Variants in MIAT observed in about 807,000 individuals in gnomAD.
The protein encoded by MIAT is MI related novel mRNA.
Position 26,659,719 on chromosome 22 carries a change from G to A in MIAT, n.647-3597G>A, listed in dbSNP as rs576496238. Reference sequence around the variant, plus strand: ...AATGAGAATTTTTATAATTTTTTCCGATTTTAAAAGACAAATTCAATAAGT... The same window carrying A: ...AATGAGAATTTTTATAATTTTTTCCAATTTTAAAAGACAAATTCAATAAGT... On this transcript the variant is annotated intron_variant and non_coding_transcript_variant, in intron 2 of 5. Transcript: ENST00000643270. Among the ~76,000 whole-genome samples the A allele has an allele frequency of 6.7e-5, 10 of 148,284 alleles. No homozygotes were observed. In the East Asian group the frequency reaches 1.4e-3, roughly 21 times the overall value.
chr22:26,669,166 C>T (rs1930958038), exon 6 of MIAT: 1 of 398,732 alleles, frequency 2.5e-6, no homozygotes, highest in Non-Finnish European at 4.4e-6. Context: ...ACAGTCCCAG[C>T]GTTTGCAAGA....
At chr22:26,658,465 CT>C (rs1308737433) in intron 2 of MIAT, 1 of 152,244 alleles carries the variant, frequency 6.6e-6, no homozygotes, top group East Asian at 1.9e-4. Context: ...CATGTTGCAT[CT>C]CCTAAAGGGT....
At chr22:26,653,147 C>G (rs1487723471) in intron 2 of MIAT, among the ~76,000 whole-genome samples, 2 of 152,216 alleles carry the variant, frequency 1.3e-5, no homozygotes, top group African/African-American at 4.8e-5. Context: ...CACAAAGGCA[C>G]TCAACAGATG....
At chr22:26,673,780 G>T, downstream of MIAT, 1 of 398,634 alleles carries the variant, frequency 2.5e-6, no homozygotes, top group Non-Finnish European at 4.4e-6. Flanking sequence ...CGGTAAAGAT[G>T]GTAGTTTTCT....
intron 2 of MIAT, among the ~76,000 whole-genome samples, chr22:26,648,714 C>T (rs548569178): frequency 1.9e-4 from 29 of 152,282 alleles, no homozygotes; most frequent in Middle Eastern, 6.8e-3. Context: ...ATAGTCAAAG[C>T]AACAGCATCT....
chr22:26,673,430 A>C (rs1250863111), downstream of MIAT: 7 of 398,506 alleles, frequency 1.8e-5, no homozygotes, highest in Non-Finnish European at 2.7e-5. Flanking sequence ...CTAACAACCA[A>C]CCTGGCCCTG....
rs61442362 is a variant in MIAT at position 26,667,333 on chromosome 22, A to AGTGTGTGTGT, written n.2262+35_2262+44dup. On this transcript the variant is annotated intron_variant and non_coding_transcript_variant, in intron 5 of 5. Coordinates refer to ENST00000643270, the Ensembl canonical transcript of MIAT. Reference sequence around the variant, plus strand: ...GGGGTGAGCTCCTCGTCCTGGGAGCAGTGTGTGTGTGTGTGTGTGTGCGTG... The same window carrying AGTGTGTGTGT: ...GGGGTGAGCTCCTCGTCCTGGGAGCAGTGTGTGTGTGTGTGTGTGTGTGTGTGTGTGCGTG... The AGTGTGTGTGT allele has an allele frequency of 4.2e-3, 1,635 of 390,826 alleles. 6 individuals carry two copies. The highest frequency in any genetic ancestry group is 0.013 in the East Asian group (346 of 27,238). 24.2% of individuals were successfully genotyped at this position (390,826 alleles called of 1,614,324 possible).
Position 26,653,289 on chromosome 22 carries a change from A to G in MIAT, n.646+5978A>G, listed in dbSNP as rs182811126. Among the ~76,000 whole-genome samples, 65 of 152,296 alleles carry G rather than the reference A, an allele frequency of 4.3e-4. No homozygotes were observed. In the East Asian group the frequency reaches 0.012, roughly 27 times the overall value. Reference sequence around the variant, plus strand: ...ACACAGGTATTGGCATCTGCTGAACATGAGGGTCCACTCCTTCCTTGCGTT... The same window carrying G: ...ACACAGGTATTGGCATCTGCTGAACGTGAGGGTCCACTCCTTCCTTGCGTT... On this transcript the variant is annotated intron_variant and non_coding_transcript_variant, in intron 2 of 5. Coordinates refer to ENST00000643270, the Ensembl canonical transcript of MIAT.
intron 2 of MIAT, among the ~76,000 whole-genome samples, chr22:26,652,360 A>C (rs1190503280): frequency 4.7e-5 from 7 of 149,896 alleles, no homozygotes; most frequent in African/African-American, 1.5e-4. Flanking sequence ...TTATTCATTC[A>C]TTTATTTTTT....
At chr22:26,666,692 A>T (rs1930854757) in exon 4 of MIAT, 1 of 398,406 alleles carries the variant, frequency 2.5e-6, no homozygotes, top group Non-Finnish European at 4.4e-6. Flanking sequence ...CCTTTTAAGG[A>T]TGTTCTGGGG....
Position 26,665,640 on chromosome 22 carries a change from A to C in MIAT, n.839A>C, listed in dbSNP as rs1173567755. 6 of 398,570 alleles carry C rather than the reference A, an allele frequency of 1.5e-5. No homozygotes were observed. The Admixed American group carries it at 2.6e-4, about 18-fold the overall frequency. 24.7% of individuals were successfully genotyped at this position (398,570 alleles called of 1,614,324 possible). ...TTGCAGATAAGTATTTAAACTTACC[A>C]GCCCATAGCCTACCAGCCTGCCCTC... On this transcript the variant is annotated non_coding_transcript_exon_variant, in exon 4 of 6. Coordinates refer to ENST00000643270, the Ensembl canonical transcript of MIAT.
At chr22:26,674,768 C>G in exon 5 of MIAT, 1 of 398,654 alleles carries the variant, frequency 2.5e-6, no homozygotes, top group Non-Finnish European at 4.4e-6. Context: ...CCATTTCACT[C>G]AAAGCAGGAA....
At chr22:26,674,419 A>G (rs1347388468), downstream of MIAT, 1 of 398,702 alleles carries the variant, frequency 2.5e-6, no homozygotes, top group Non-Finnish European at 4.4e-6. Context: ...CAGAGTCTGC[A>G]GGAGAAGACA....
At chr22:26,662,990 T>C (rs1930726294) in intron 2 of MIAT, among the ~76,000 whole-genome samples, 1 of 152,190 alleles carries the variant, frequency 6.6e-6, no homozygotes, top group Non-Finnish European at 1.5e-5. Context: ...ATGACAACCC[T>C]GTGAGGTGGG....
chr22:26,667,169 A>G (rs1176796089), intron 4 of MIAT: 1 of 398,498 alleles, frequency 2.5e-6, no homozygotes, highest in Non-Finnish European at 4.4e-6. Flanking sequence ...AGAATTTAGC[A>G]AGTCCCTTCA....
intron 2 of MIAT, among the ~76,000 whole-genome samples, chr22:26,648,931 C>CAGAGAG (rs60141294): frequency 0.17 from 25,393 of 149,048 alleles, 2,208 homozygotes; most frequent in South Asian, 0.32. Flanking sequence ...GAGAGCGAGA[C>CAGAGAG]AGAGAGAGAG....
intron 2 of MIAT, chr22:26,655,937 G>C (rs1425637238): frequency 6.6e-6 from 1 of 152,116 alleles, no homozygotes; most frequent in South Asian, 2.1e-4. Flanking sequence ...TGTCCCCCAG[G>C]CTTCCCAAAG....
exon 5 of MIAT, chr22:26,674,861 C>T: frequency 2.5e-6 from 1 of 398,620 alleles, no homozygotes; most frequent in Non-Finnish European, 4.4e-6. Flanking sequence ...GTGCCAGGCA[C>T]TGCTCTGGGC....
intron 2 of MIAT, among the ~76,000 whole-genome samples, chr22:26,662,706 A>G (rs1930716374): frequency 6.6e-6 from 1 of 152,220 alleles, no homozygotes; most frequent in African/African-American, 2.4e-5. Flanking sequence ...ATTTGGGCCA[A>G]CATCTCTTGT....
Sources: gnomAD v4.1 joint callset for allele counts (sites outside exome capture counted in the v4.1 genomes callset) on GRCh38, gnomAD v4.1.1 for gene constraint, MANE v1.5 for transcripts, NCBI Gene and HGNC (gene_info 2026-07-23, HGNC 2026-07-21) for gene names.